Variants in CNTLN observed in about 807,000 individuals in gnomAD.
CNTLN encodes the protein centlein, centrosomal protein.
Under a neutral mutation model 180.0 loss-of-function variants are expected in CNTLN, and 212 were observed. The observed-to-expected ratio is 1.18, with a 90% CI of 1.05 to 1.32. The LOEUF is 1.32. CNTLN is among the 40% of genes most tolerant of loss of function. The pLI is 0.00. For synonymous variants in CNTLN, 722 were observed against 563.1 expected (o/e 1.28, Z -3.99); for missense variants, 2,095 against 1,610.9 (o/e 1.30, Z -5.14).
At chr9:17,203,244 C>T (rs1159432847) in intron 2 of CNTLN, among the ~76,000 whole-genome samples, 3 of 152,154 alleles carry the variant, frequency 2.0e-5, no homozygotes, top group Non-Finnish European at 4.4e-5. Context: ...GGTGACCTGA[C>T]CTTTCTCTCC....
At chr9:17,351,381 A>G (rs1391153745) in intron 12 of CNTLN, among the ~76,000 whole-genome samples, 1 of 152,212 alleles carries the variant, frequency 6.6e-6, no homozygotes, top group African/African-American at 2.4e-5. Flanking sequence ...GCAACTAAGT[A>G]TATCCAAATG....
chr9:17,289,429 G>C (rs1235552868), intron 6 of CNTLN, among the ~76,000 whole-genome samples: 2 of 122,520 alleles, frequency 1.6e-5, no homozygotes, highest in African/African-American at 3.7e-5. Flanking sequence ...TTTCTCTCTG[G>C]CTGCCCTTAA....
intron 6 of CNTLN, among the ~76,000 whole-genome samples, chr9:17,276,515 T>C (rs1015162407): frequency 1.3e-5 from 2 of 152,146 alleles, no homozygotes; most frequent in Non-Finnish European, 2.9e-5. Context: ...TTGAAGTTCA[T>C]AGTCATTTAT....
chr9:17,287,997 C>G (rs1330373072), intron 6 of CNTLN, among the ~76,000 whole-genome samples: 2 of 137,354 alleles, frequency 1.5e-5, no homozygotes, highest in Admixed American at 7.1e-5. Flanking sequence ...TTTTTTGTGT[C>G]TCTGTTTCCT....
At chr9:17,277,892 A>G (rs182082196) in intron 6 of CNTLN, among the ~76,000 whole-genome samples, 13 of 152,238 alleles carry the variant, frequency 8.5e-5, no homozygotes, top group African/African-American at 2.9e-4. Context: ...GGTTTGGAAG[A>G]CTCACTATCA....
In CNTLN at chr9:17,410,982, C is replaced by T. The variant is rs558713780; in HGVS notation, c.2796+1509C>T. ...GTTCATCAAGAGTCTCTTCTTGGTC[C>T]TTTACTCTTCAAAATGAATTTAAAA... is the stretch of plus-strand genomic sequence containing the variant. On this transcript the variant is annotated intron_variant, in intron 16 of 25. Coordinates refer to ENST00000380647, the MANE Select transcript of CNTLN (RefSeq NM_017738.4). Among the ~76,000 whole-genome samples the T allele has an allele frequency of 2.0e-5, 3 of 152,180 alleles. No homozygotes were observed. The East Asian group carries it at 5.8e-4, about 29-fold the overall frequency.
intron 23 of CNTLN, among the ~76,000 whole-genome samples, chr9:17,479,015 A>T (rs1832500321): frequency 3.3e-5 from 5 of 152,232 alleles, no homozygotes; most frequent in Admixed American, 3.3e-4. Flanking sequence ...CACACTTGTC[A>T]GGATGGCAGC....
rs563407005 is a variant in CNTLN at position 17,197,947 on chromosome 9, T to A, written c.450-28256T>A. Among the ~76,000 whole-genome samples, 55 of 152,218 alleles carry A rather than the reference T, an allele frequency of 3.6e-4. 1 individual carries two copies. Among genetic ancestry groups the A allele is most frequent in the Non-Finnish European group, 4.6e-4 (31 of 68,042 alleles). ...AAATGAGGGTCTAGTTTCATTCTTCTGCATATGTATATCCAGTTTTCCCAG... is the reference window on the plus strand; with the variant it reads ...AAATGAGGGTCTAGTTTCATTCTTCAGCATATGTATATCCAGTTTTCCCAG... On this transcript the variant is annotated intron_variant, in intron 2 of 25. Transcript: ENST00000380647.
intron 8 of CNTLN, among the ~76,000 whole-genome samples, chr9:17,319,932 C>A (rs753635448): frequency 6.6e-6 from 1 of 152,112 alleles, no homozygotes; most frequent in Non-Finnish European, 1.5e-5. Flanking sequence ...AACCTGTGAC[C>A]CTTGATTTCT....
chr9:17,311,131 TCTC>T (rs1250206339), intron 8 of CNTLN, among the ~76,000 whole-genome samples: 2 of 151,970 alleles, frequency 1.3e-5, no homozygotes, highest in African/African-American at 4.8e-5. Flanking sequence ...TTCAAGCAAT[TCTC>T]CTGCCTCAGC....
the CNTLN span, among the ~76,000 whole-genome samples, chr9:17,509,744 T>A: frequency 0.98 from 149,392 of 152,208 alleles, 73,333 homozygotes; most frequent in Middle Eastern, 0.99. Context: ...GAGTGGCACC[T>A]CTCATCATTA....
intron 15 of CNTLN, among the ~76,000 whole-genome samples, chr9:17,398,421 A>G (rs1826702086): frequency 6.6e-6 from 1 of 152,110 alleles, no homozygotes; most frequent in African/African-American, 2.4e-5. Flanking sequence ...GGGAGTTCTG[A>G]GATTAATAGG....
intron 12 of CNTLN, among the ~76,000 whole-genome samples, chr9:17,365,026 T>C (rs959165634): frequency 6.6e-6 from 1 of 152,170 alleles, no homozygotes; most frequent in African/African-American, 2.4e-5. Context: ...TTTCCTGTCG[T>C]TAGCTCATTT....
At chr9:17,290,539 A>C (rs1829308349) in intron 6 of CNTLN, among the ~76,000 whole-genome samples, 1 of 142,998 alleles carries the variant, frequency 7.0e-6, no homozygotes, top group East Asian at 2.0e-4. Flanking sequence ...GGCTCCACCC[A>C]GTTCGAGCTT....
At chr9:17,342,079 T>C (rs1338936778) in intron 11 of CNTLN, among the ~76,000 whole-genome samples, 1 of 152,134 alleles carries the variant, frequency 6.6e-6, no homozygotes, top group Non-Finnish European at 1.5e-5. Flanking sequence ...ATGGGAGCAA[T>C]AGACCTTAGA....
intron 2 of CNTLN, among the ~76,000 whole-genome samples, chr9:17,221,693 G>T (rs372105172): frequency 1.3e-4 from 19 of 151,956 alleles, no homozygotes; most frequent in South Asian, 4.1e-4. Context: ...GTGGCCCTCA[G>T]TACTGCCTGT....
rs1832578872 is a variant in CNTLN, at chr9:17,480,338, T to C, written c.3856-3957T>C. 3.0e-5 allele frequency among the ~76,000 whole-genome samples: 4 copies of C among 135,092 alleles called. No individual in the cohort carries two copies. The South Asian group carries it at 1.0e-3, about 35-fold the overall frequency. 88.6% of individuals were successfully genotyped at this position (135,092 alleles called of 152,430 possible). On this transcript the variant is annotated intron_variant, in intron 23 of 25. Transcript: ENST00000380647. Reference sequence around the variant, plus strand: ...AGAAAAAGAAGATATAGCAATATTATTCCAAGACAAAATTAATGGCAAAAA... The same window carrying C: ...AGAAAAAGAAGATATAGCAATATTACTCCAAGACAAAATTAATGGCAAAAA...
chr9:17,178,006 A>G (rs537675729), intron 2 of CNTLN, among the ~76,000 whole-genome samples: 2 of 151,880 alleles, frequency 1.3e-5, no homozygotes, highest in Non-Finnish European at 2.9e-5. Flanking sequence ...TCCCCACTAG[A>G]TTAGCTAGAT....
chr9:17,309,741 T>A (rs950646653), intron 8 of CNTLN, among the ~76,000 whole-genome samples: 14 of 152,044 alleles, frequency 9.2e-5, no homozygotes, highest in African/African-American at 3.4e-4. Flanking sequence ...GTAGTATAAA[T>A]GTATAGATAA....
Sources: gnomAD v4.1 joint callset for allele counts (sites outside exome capture counted in the v4.1 genomes callset) on GRCh38, gnomAD v4.1.1 for gene constraint, MANE v1.5 for transcripts, NCBI Gene and HGNC (gene_info 2026-07-23, HGNC 2026-07-21) for gene names.